Variants in SLC35F3 observed in about 807,000 individuals in gnomAD.
The protein encoded by SLC35F3 is solute carrier family 35 member F3, also known as putative thiamine transporter SLC35F3.
SLC35F3 carries 25 observed loss-of-function variants against 49.9 expected under a neutral mutation model. The observed-to-expected ratio is 0.50, with a 90% CI of 0.37 to 0.70. The LOEUF (loss-of-function observed/expected upper bound fraction) is 0.70. Among genes scored for constraint, SLC35F3 ranks in the 30% least tolerant of loss-of-function variants. The pLI, the probability that SLC35F3 is intolerant of heterozygous loss-of-function variation, is 0.00. For synonymous variants in SLC35F3, 275 were observed against 265.4 expected (o/e 1.04, Z -0.35); for missense variants, 525 against 639.8 (o/e 0.82, Z 1.94).
intron 2 of SLC35F3, among the ~76,000 whole-genome samples, chr1:233,908,106 T>G (rs567598307): frequency 6.6e-6 from 1 of 152,244 alleles, no homozygotes; most frequent in South Asian, 2.1e-4. Context: ...ATCTATTACC[T>G]GTAGGTATCA....
chr1:234,172,127 T>C (rs888454246), intron 2 of SLC35F3, among the ~76,000 whole-genome samples: 7 of 152,164 alleles, frequency 4.6e-5, no homozygotes, highest in African/African-American at 1.7e-4. Context: ...GTTGGACACC[T>C]CCAGTCCAGA....
At chr1:234,194,251 A>G (rs2102930866) in intron 2 of SLC35F3, among the ~76,000 whole-genome samples, 1 of 152,352 alleles carries the variant, frequency 6.6e-6, no homozygotes, top group Middle Eastern at 3.4e-3. Flanking sequence ...TTGTTTATGG[A>G]ATACTACTCA....
chr1:234,256,898 C>T (rs185173754), intron 3 of SLC35F3, among the ~76,000 whole-genome samples: 26 of 152,356 alleles, frequency 1.7e-4, no homozygotes, highest in African/African-American at 4.1e-4. Flanking sequence ...CCAGAGGCTA[C>T]GCTTCTCAGC....
At chr1:234,236,758 G>C (rs900062759) in intron 3 of SLC35F3, among the ~76,000 whole-genome samples, 14 of 151,678 alleles carry the variant, frequency 9.2e-5, no homozygotes, top group African/African-American at 3.4e-4. Flanking sequence ...CAGCTGCTGC[G>C]ACTCTGTAGA....
At chr1:234,109,986 G>A (rs1015088136) in intron 2 of SLC35F3, among the ~76,000 whole-genome samples, 1 of 152,162 alleles carries the variant, frequency 6.6e-6, no homozygotes, top group African/African-American at 2.4e-5. Context: ...GCAGGGCTAT[G>A]GTATGACTAG....
intron 2 of SLC35F3, among the ~76,000 whole-genome samples, chr1:234,099,880 C>A (rs1558229348): frequency 1.3e-5 from 2 of 152,136 alleles, no homozygotes; most frequent in Non-Finnish European, 2.9e-5. Flanking sequence ...ATATTGCAAG[C>A]CTGCTTTAGA....
chr1:234,212,962 C>T (rs1259227339), intron 2 of SLC35F3: 2 of 152,174 alleles, frequency 1.3e-5, no homozygotes, highest in African/African-American at 4.8e-5. Flanking sequence ...TATACCTTTT[C>T]CTTGGCTGTA....
At chr1:234,003,298 G>A (rs1363827489) in intron 2 of SLC35F3, among the ~76,000 whole-genome samples, 1 of 152,192 alleles carries the variant, frequency 6.6e-6, no homozygotes, top group Non-Finnish European at 1.5e-5. Context: ...AGGACCTGAG[G>A]CCTGCAGGTG....
At chr1:234,259,251 G>A (rs557814720) in intron 3 of SLC35F3, among the ~76,000 whole-genome samples, 18 of 152,106 alleles carry the variant, frequency 1.2e-4, no homozygotes, top group South Asian at 2.1e-4. Context: ...CCTTCTATTC[G>A]TACATTCTAC....
At chr1:234,272,948 A>G (rs111827865) in intron 3 of SLC35F3, among the ~76,000 whole-genome samples, 8,994 of 152,258 alleles carry the variant, frequency 0.059, 316 homozygotes, top group African/African-American at 0.094. Context: ...CCCGCGCAGG[A>G]CAGTCACAGC....
chr1:234,080,506 A>G (rs1664859283), intron 2 of SLC35F3, among the ~76,000 whole-genome samples: 1 of 152,230 alleles, frequency 6.6e-6, no homozygotes. Context: ...ATGAATAAAC[A>G]AATTTGATAT....
intron 2 of SLC35F3, among the ~76,000 whole-genome samples, chr1:234,065,505 T>TA (rs1204249601): frequency 3.3e-5 from 5 of 152,226 alleles, no homozygotes; most frequent in Non-Finnish European, 7.3e-5. Context: ...TTTTCAGGTC[T>TA]AGGGAGATTT....
chr1:234,184,123 G>A, intron 2 of SLC35F3, among the ~76,000 whole-genome samples: 1 of 151,104 alleles, frequency 6.6e-6, no homozygotes. Flanking sequence ...TTACTAGCAT[G>A]GAACACAGTT....
chr1:234,153,310 C>T (rs1306930865), intron 2 of SLC35F3, among the ~76,000 whole-genome samples: 1 of 152,142 alleles, frequency 6.6e-6, no homozygotes, highest in African/African-American at 2.4e-5. Flanking sequence ...AATATAGATA[C>T]AGCCCAGTGA....
intron 2 of SLC35F3, among the ~76,000 whole-genome samples, chr1:234,125,448 A>G (rs16842577): frequency 0.09 from 13,673 of 152,082 alleles, 1,131 homozygotes; most frequent in African/African-American, 0.22. Context: ...TCTTGAGTTC[A>G]CGTACTCAAG....
chr1:233,968,817 C>T (rs1391830912), intron 2 of SLC35F3, among the ~76,000 whole-genome samples: 2 of 152,116 alleles, frequency 1.3e-5, no homozygotes, highest in Non-Finnish European at 2.9e-5. Context: ...ATCCCCCTCC[C>T]ACTCTCCCTC....
intron 2 of SLC35F3, among the ~76,000 whole-genome samples, chr1:234,065,471 T>A (rs1664604335): frequency 6.6e-6 from 1 of 152,238 alleles, no homozygotes; most frequent in Non-Finnish European, 1.5e-5. Flanking sequence ...TTAAAATAAA[T>A]TGGCTTCTGG....
chr1:234,269,436 G>A (rs1162218188), intron 3 of SLC35F3, among the ~76,000 whole-genome samples: 1 of 152,160 alleles, frequency 6.6e-6, no homozygotes, highest in Non-Finnish European at 1.5e-5. Context: ...TTTATGCTAA[G>A]TTGACAAAAG....
chr1:234,265,322 T>TTTTTTC (rs960205532), intron 3 of SLC35F3, among the ~76,000 whole-genome samples: 12 of 145,204 alleles, frequency 8.3e-5, no homozygotes, highest in African/African-American at 2.6e-4. Context: ...TATTTCTTCT[T>TTTTTTC]TTTTTCTTTT....
Sources: gnomAD v4.1 joint callset for allele counts (sites outside exome capture counted in the v4.1 genomes callset) on GRCh38, gnomAD v4.1.1 for gene constraint, MANE v1.5 for transcripts, NCBI Gene and HGNC (gene_info 2026-07-23, HGNC 2026-07-21) for gene names.